Variants in HMGCLL1 observed in about 807,000 individuals in gnomAD.
HMGCLL1 encodes the protein 3-hydroxymethyl-3-methylglutaryl-CoA lyase, cytoplasmic.
Under a neutral mutation model 39.1 loss-of-function variants are expected in HMGCLL1, and 36 were observed. The ratio of observed to expected loss-of-function variants is 0.92; its 90% CI spans 0.71 to 1.22. HMGCLL1 has a LOEUF of 1.22. Ranked by LOEUF, HMGCLL1 falls within the 50% of genes most tolerant of loss-of-function variation. The probability of loss-of-function intolerance (pLI) is 0.00; values close to 1 mark genes in which losing one functional copy is unlikely to be tolerated. For missense variants in HMGCLL1, 451 were observed against 416.5 expected (o/e 1.08, Z -0.72); for synonymous variants, 149 against 144.0 (o/e 1.03, Z -0.25).
chr6:55,516,020 T>G (rs1360215401), intron 4 of HMGCLL1, among the ~76,000 whole-genome samples: 2 of 151,634 alleles, frequency 1.3e-5, no homozygotes, highest in African/African-American at 4.8e-5. Context: ...TCACAGAGGA[T>G]CAAAAGAAAC....
intron 1 of HMGCLL1, chr6:55,577,064 A>T (rs201874118): frequency 1.2e-6 from 2 of 1,613,308 alleles, no homozygotes; most frequent in Admixed American, 1.7e-5. Flanking sequence ...GTGATGGGGC[A>T]TCTGGATATT....
At chr6:55,489,957 G>GA (rs1300668152) in intron 7 of HMGCLL1, among the ~76,000 whole-genome samples, 3 of 152,010 alleles carry the variant, frequency 2.0e-5, no homozygotes, top group South Asian at 2.1e-4. Context: ...AAAAGTCAGT[G>GA]AAAAAATTGA....
chr6:55,559,465 A>T (rs567751844), intron 1 of HMGCLL1, among the ~76,000 whole-genome samples: 2 of 152,136 alleles, frequency 1.3e-5, no homozygotes, highest in Non-Finnish European at 2.9e-5. Context: ...GAGTGAAGCA[A>T]AGTCATGTTA....
intron 7 of HMGCLL1, among the ~76,000 whole-genome samples, chr6:55,482,851 T>C (rs1485409275): frequency 2.0e-5 from 3 of 152,096 alleles, no homozygotes; most frequent in African/African-American, 7.2e-5. Flanking sequence ...CAAGAAATTT[T>C]TCAAGGTATT....
the HMGCLL1 span, among the ~76,000 whole-genome samples, chr6:55,598,759 T>G: frequency 8.5e-5 from 13 of 152,338 alleles, no homozygotes; most frequent in Admixed American, 7.8e-4. Flanking sequence ...GTAATGAGTT[T>G]GCATTCATGA....
upstream of HMGCLL1, among the ~76,000 whole-genome samples, chr6:55,581,855 C>T (rs1222857562): frequency 6.6e-6 from 1 of 151,808 alleles, no homozygotes; most frequent in African/African-American, 2.4e-5. Flanking sequence ...AAGATACGAA[C>T]ATTCACCTCA....
chr6:55,624,087 C>A, the HMGCLL1 span, among the ~76,000 whole-genome samples: 1 of 152,136 alleles, frequency 6.6e-6, no homozygotes, highest in East Asian at 1.9e-4. Context: ...TCCTTTTCCC[C>A]AGTGCATGCT....
chr6:55,575,238 G>C (rs1561972075), intron 1 of HMGCLL1, among the ~76,000 whole-genome samples: 1 of 151,972 alleles, frequency 6.6e-6, no homozygotes, highest in Admixed American at 6.6e-5. Context: ...GGTCTATTAA[G>C]GGAATTTTCT....
At chr6:55,563,977 C>G (rs1416763230) in intron 1 of HMGCLL1, 1 of 767,754 alleles carries the variant, frequency 1.3e-6, no homozygotes, top group Non-Finnish European at 1.9e-6. Flanking sequence ...GCTACCTCAA[C>G]ATTCAGCACG....
At chr6:55,632,640 G>A in the HMGCLL1 span, among the ~76,000 whole-genome samples, 1 of 151,414 alleles carries the variant, frequency 6.6e-6, no homozygotes, top group Non-Finnish European at 1.5e-5. Flanking sequence ...ATATTTTTAG[G>A]GGCCTACTTA....
intron 1 of HMGCLL1, among the ~76,000 whole-genome samples, chr6:55,542,907 T>G (rs1470552433): frequency 3.0e-5 from 4 of 132,668 alleles, no homozygotes; most frequent in South Asian, 2.2e-4. Flanking sequence ...AGATTATTTA[T>G]ATTGTTATTA....
At chr6:55,673,803 A>G in the HMGCLL1 span, among the ~76,000 whole-genome samples, 8 of 151,988 alleles carry the variant, frequency 5.3e-5, no homozygotes, top group Non-Finnish European at 8.8e-5. Context: ...CAAATATATT[A>G]TCATATTTAA....
chr6:55,435,661 G>C lies in HMGCLL1; in HGVS notation c.*1C>G. The C allele has an allele frequency of 6.4e-7, 1 of 1,556,478 alleles. No individual in the cohort carries two copies. The highest frequency in any genetic ancestry group is 1.4e-5 in the African/African-American group (1 of 73,040). On this transcript the variant is annotated 3_prime_UTR_variant, in exon 9 of 9. Coordinates refer to ENST00000274901, the MANE Select transcript of HMGCLL1 (RefSeq NM_001042406.2). ...AACGGTACGTCATAAATCCATTCAA[G>C]TCAAGCATTGAAGGAGGCTTGTGCT...
the HMGCLL1 span, among the ~76,000 whole-genome samples, chr6:55,593,128 C>T: frequency 4.6e-5 from 7 of 152,006 alleles, no homozygotes; most frequent in Non-Finnish European, 8.8e-5. Flanking sequence ...TGTTGAGAGC[C>T]CTTCAAAGCT....
At position 55,462,337 on chromosome 6, in the gene HMGCLL1, G is replaced by A. The variant is rs1276079421; in HGVS notation, c.796-22778C>T. 4.0e-5 allele frequency among the ~76,000 whole-genome samples: 6 copies of A among 151,828 alleles called. No homozygotes were observed. The East Asian group carries it at 9.7e-4, about 24-fold the overall frequency. On this transcript the variant is annotated intron_variant, in intron 7 of 8. Transcript: ENST00000274901. The stretch of plus-strand genomic sequence containing the variant: ...ACGAAATAACTTCCTTCCTTCCTAT[G>A]CTCACCATGTATGCTCATGTCTTCA...
At chr6:55,617,262 T>C in the HMGCLL1 span, among the ~76,000 whole-genome samples, 1 of 152,162 alleles carries the variant, frequency 6.6e-6, no homozygotes, top group Non-Finnish European at 1.5e-5. Context: ...ATCTTTGTGA[T>C]GTTTGAGAAT....
chr6:55,439,630 C>G (rs904325298), intron 7 of HMGCLL1, 71 bp from the exon 8 acceptor site: 10 of 1,528,650 alleles, frequency 6.5e-6, no homozygotes, highest in Non-Finnish European at 8.0e-6. Context: ...TCTATTTAAC[C>G]TATGGTAAAC....
At chr6:55,539,934 AGGAGG>A (rs1769271022) in intron 3 of HMGCLL1, among the ~76,000 whole-genome samples, 1 of 132,528 alleles carries the variant, frequency 7.5e-6, no homozygotes, top group Non-Finnish European at 1.6e-5. Context: ...GAGGATGAGG[AGGAGG>A]AGAAGGAAGG....
the HMGCLL1 span, among the ~76,000 whole-genome samples, chr6:55,661,201 C>A: frequency 6.6e-6 from 1 of 151,870 alleles, no homozygotes; most frequent in Non-Finnish European, 1.5e-5. Context: ...TTTTGCTGTG[C>A]AAATTCTCTT....
Sources: gnomAD v4.1 joint callset for allele counts (sites outside exome capture counted in the v4.1 genomes callset) on GRCh38, gnomAD v4.1.1 for gene constraint, MANE v1.5 for transcripts, NCBI Gene and HGNC (gene_info 2026-07-23, HGNC 2026-07-21) for gene names.